The following DPYD variants were observed in gnomAD, a reference collection of about 807,000 sequenced individuals.
DPYD encodes the protein dihydropyrimidine dehydrogenase.
A neutral mutation model predicts 116.2 loss-of-function variants in DPYD; 109 were observed. The ratio of observed to expected loss-of-function variants is 0.94; its 90% CI spans 0.80 to 1.10. The LOEUF is 1.10. Ranked by LOEUF, DPYD falls within the 50% of genes least tolerant of loss-of-function variation. DPYD has a pLI of 0.00. For synonymous variants in DPYD, 440 were observed against 432.0 expected, an observed-to-expected ratio of 1.02 and a Z score of -0.23; for missense variants, 1,302 against 1,254.5, an observed-to-expected ratio of 1.04 and a Z score of -0.57.
At chr1:97,898,616 T>G (rs899823201) in intron 1 of DPYD, among the ~76,000 whole-genome samples, 36 of 152,042 alleles carry the variant, frequency 2.4e-4, no homozygotes, top group African/African-American at 8.4e-4. Flanking sequence ...GGAAAGAACC[T>G]GATAGGCCTG....
chr1:97,199,220 G>A (rs975248018), intron 19 of DPYD, among the ~76,000 whole-genome samples: 8 of 152,090 alleles, frequency 5.3e-5, no homozygotes, highest in Admixed American at 3.3e-4. Flanking sequence ...TCAGGAGAGG[G>A]AGTAATATTC....
chr1:97,235,812 A>G (rs1661878288), intron 18 of DPYD, among the ~76,000 whole-genome samples: 1 of 152,204 alleles, frequency 6.6e-6, no homozygotes, highest in African/African-American at 2.4e-5. Context: ...TGCTTTTTAT[A>G]TGTACTTCCC....
intron 19 of DPYD, among the ~76,000 whole-genome samples, chr1:97,210,701 A>C (rs1659980473): frequency 6.6e-6 from 1 of 152,162 alleles, no homozygotes; most frequent in Non-Finnish European, 1.5e-5. Context: ...GGATAGAAAC[A>C]AAAAGATACT....
At chr1:97,132,190 G>C (rs184379123) in intron 20 of DPYD, among the ~76,000 whole-genome samples, 1 of 152,106 alleles carries the variant, frequency 6.6e-6, no homozygotes, top group African/African-American at 2.4e-5. Flanking sequence ...GCATTCTTTA[G>C]GTCAGTCAGT....
intron 12 of DPYD, among the ~76,000 whole-genome samples, chr1:97,521,138 T>C (rs1356129652): frequency 6.6e-6 from 1 of 152,212 alleles, no homozygotes; most frequent in East Asian, 1.9e-4. Flanking sequence ...CCAGCATGTG[T>C]TGTTTCCTGA....
chr1:97,298,175 G>A (rs1303247406), intron 18 of DPYD, among the ~76,000 whole-genome samples: 1 of 152,128 alleles, frequency 6.6e-6, no homozygotes, highest in Non-Finnish European at 1.5e-5. Context: ...TAACTAAAAT[G>A]CTCGATGATA....
chr1:97,739,830 T>TA (rs111353149), intron 4 of DPYD, among the ~76,000 whole-genome samples: 4 of 151,552 alleles, frequency 2.6e-5, no homozygotes, highest in South Asian at 2.1e-4. Context: ...CATTGATTTT[T>TA]AAAAAAAAAT....
At chr1:97,276,802 T>A (rs1482174505) in intron 18 of DPYD, among the ~76,000 whole-genome samples, 2 of 152,140 alleles carry the variant, frequency 1.3e-5, no homozygotes, top group Non-Finnish European at 2.9e-5. Flanking sequence ...GTTTGGAGAT[T>A]TCTCAAAGAA....
chr1:97,556,253 A>G (rs540363558), intron 11 of DPYD, among the ~76,000 whole-genome samples: 3 of 152,232 alleles, frequency 2.0e-5, no homozygotes, highest in African/African-American at 7.2e-5. Flanking sequence ...GGCTTCTGTG[A>G]CATCATACTT....
At chr1:97,294,700 G>C (rs1026850540) in intron 18 of DPYD, among the ~76,000 whole-genome samples, 1 of 152,166 alleles carries the variant, frequency 6.6e-6, no homozygotes. Context: ...AAGGCAGTAA[G>C]AAATAAAGTT....
chr1:97,679,986 C>T (rs147164031), intron 7 of DPYD, among the ~76,000 whole-genome samples: 1 of 152,246 alleles, frequency 6.6e-6, no homozygotes, highest in African/African-American at 2.4e-5. Context: ...CTATTAAGCA[C>T]TGGTTCTTCA....
At chr1:97,869,945 T>A (rs921426980) in intron 2 of DPYD, among the ~76,000 whole-genome samples, 3 of 151,842 alleles carry the variant, frequency 2.0e-5, no homozygotes, top group African/African-American at 7.2e-5. Context: ...ATCTGTCTTC[T>A]GTCAGATTAA....
chr1:97,699,684 C>CA lies in DPYD; in HGVS notation c.484-138dup, dbSNP rs569536577. The CA allele has an allele frequency of 4.1e-4, 347 of 845,918 alleles. 3 individuals carry two copies. The African/African-American group carries it at 5.4e-3, about 13-fold the overall frequency. 52.4% of individuals were successfully genotyped at this position (845,918 alleles called of 1,614,324 possible). A position where few individuals can be genotyped will look rare whatever the true frequency, so the allele number is the denominator to read the frequency against. On this transcript the variant is annotated intron_variant, in intron 5 of 22. Transcript: ENST00000370192. ...TTTCAGTATTAATATGGTATACTTA[C>CA]AACTTTTATTGTGTCAAGTAGATGA... is the stretch of plus-strand genomic sequence containing the variant.
At chr1:97,554,389 T>C (rs1174000413) in intron 11 of DPYD, among the ~76,000 whole-genome samples, 1 of 152,170 alleles carries the variant, frequency 6.6e-6, no homozygotes, top group Non-Finnish European at 1.5e-5. Flanking sequence ...GGATTATTAG[T>C]ATTCTTTGGA....
chr1:97,110,238 C>G (rs993921), intron 20 of DPYD, among the ~76,000 whole-genome samples: 149,924 of 152,216 alleles, frequency 0.98, 73,859 homozygotes, highest in East Asian at 1. Context: ...ACATGCTATG[C>G]GCTGACCATT....
intron 16 of DPYD, among the ~76,000 whole-genome samples, chr1:97,310,186 T>G (rs1296893345): frequency 6.6e-6 from 1 of 151,830 alleles, no homozygotes; most frequent in Admixed American, 6.6e-5. Context: ...TTACCAGTTA[T>G]AAAATGTTTT....
At chr1:97,610,262 C>T (rs929298307) in intron 8 of DPYD, among the ~76,000 whole-genome samples, 2 of 151,874 alleles carry the variant, frequency 1.3e-5, no homozygotes, top group Non-Finnish European at 2.9e-5. Flanking sequence ...TCAGATAACC[C>T]CTGGAATCAA....
chr1:97,244,999 G>T (rs1662617445), intron 18 of DPYD, among the ~76,000 whole-genome samples: 1 of 151,960 alleles, frequency 6.6e-6, no homozygotes, highest in Non-Finnish European at 1.5e-5. Context: ...TTTTAAGCTG[G>T]TGTCCACTTC....
At chr1:97,380,419 A>G (rs1671887034) in intron 15 of DPYD, among the ~76,000 whole-genome samples, 1 of 152,206 alleles carries the variant, frequency 6.6e-6, no homozygotes, top group Non-Finnish European at 1.5e-5. Context: ...TGTGGTGCTC[A>G]AAAACATGAC....
Sources: allele counts gnomAD v4.1 joint callset (sites outside exome capture counted in the v4.1 genomes callset), GRCh38; gene constraint gnomAD v4.1.1; transcripts MANE v1.5; gene names NCBI Gene and HGNC (gene_info 2026-07-23, HGNC 2026-07-21).